APOC2: variants seen among roughly 807,000 people sequenced by gnomAD.
The protein encoded by APOC2 is apolipoprotein C-II.
APOC2 carries 6 observed loss-of-function variants against 10.2 expected under a neutral mutation model. The observed-to-expected ratio is 0.59, with a 90% CI of 0.32 to 1.16. The LOEUF (loss-of-function observed/expected upper bound fraction) is 1.16. Ranked by LOEUF, APOC2 falls within the 50% of genes most tolerant of loss-of-function variation. The pLI, the probability that APOC2 is intolerant of heterozygous loss-of-function variation, is 0.05. For synonymous variants in APOC2, 56 were observed against 48.5 expected, an observed-to-expected ratio of 1.15 and a Z score of -0.64; for missense variants, 110 against 117.6, an observed-to-expected ratio of 0.94 and a Z score of 0.30.
rs750370010 is a variant in APOC2, at chr19:44,948,808, G to A, written c.163G>A (p.Ala55Thr). Reference protein sequence around the residue: ...SSYWESAKTAAQNLYEKTYLP... With the variant: ...SSYWESAKTATQNLYEKTYLP... ...TTACTGGGAGTCAGCAAAGACAGCCGCCCAGAACCTGTACGAGAAGACATA... is the reference window on the plus strand; with the variant it reads ...TTACTGGGAGTCAGCAAAGACAGCCACCCAGAACCTGTACGAGAAGACATA... Residue 55 changes from alanine (A) to threonine (T), a missense_variant, in exon 3 of 4, where the codon GCC becomes ACC. Physicochemically the swap from Ala to Thr is moderately conservative, Grantham distance 58. Transcript: ENST00000252490. 6.2e-6 allele frequency: 10 copies of A among 1,613,884 alleles called. No individual in the cohort carries two copies. Among genetic ancestry groups the A allele is most frequent in the African/African-American group, 4.0e-5 (3 of 74,898 alleles).
intron 1 of APOC2, among the ~76,000 whole-genome samples, chr19:44,946,593 G>A (rs575129367): frequency 3.9e-5 from 6 of 152,090 alleles, no homozygotes; most frequent in Admixed American, 6.6e-5. Flanking sequence ...AGGCCGAGGC[G>A]GGTGGATCAC....
rs752909963 is a variant in APOC2 at position 44,948,802 on chromosome 19, A to T, written c.157A>T (p.Thr53Ser). 6.2e-7 allele frequency: 1 copy of T among 1,614,106 alleles called. No homozygotes were observed. Among genetic ancestry groups the T allele is most frequent in the East Asian group, 2.2e-5 (1 of 44,882 alleles). The change falls in exon 3 of 4, where the codon ACA (threonine) becomes TCA (serine). Residue 53 changes from threonine to serine, a missense_variant. Transcript: ENST00000252490. ...SLSSYWESAKTAAQNLYEKTY... is the reference protein window; with the variant it reads ...SLSSYWESAKSAAQNLYEKTY... ...CTCCAGTTACTGGGAGTCAGCAAAG[A>T]CAGCCGCCCAGAACCTGTACGAGAA...
chr19:44,948,314 G>A (rs956978930), intron 1 of APOC2, 152 bp from the exon 2 acceptor site: 2 of 690,494 alleles, frequency 2.9e-6, no homozygotes, highest in African/African-American at 3.5e-5. Flanking sequence ...GCCCAAGAAG[G>A]GGGCTGTGTC....
In APOC2 at chr19:44,946,234, T is replaced by TGTGTGTGTGTGTGAGAGA. The variant is rs1236986911; in HGVS notation, c.-14+160_-14+161insTGTGTGTGTGTGAGAGAG. Reference sequence around the variant, plus strand: ...GTGTGTGTGTGTGTGTGTGTGTGTGTGAGAGAGAGAGAGAGGGAGATGGAG... The same window carrying TGTGTGTGTGTGTGAGAGA: ...GTGTGTGTGTGTGTGTGTGTGTGTGTGTGTGTGTGTGTGAGAGAGAGAGAGAGAGAGAGGGAGATGGAG... On this transcript the variant is annotated intron_variant, in intron 1 of 3. Transcript: ENST00000252490. Among the ~76,000 whole-genome samples the TGTGTGTGTGTGTGAGAGA allele has an allele frequency of 2.1e-3, 277 of 132,866 alleles. 2 individuals are homozygous for TGTGTGTGTGTGTGAGAGA. Among genetic ancestry groups the TGTGTGTGTGTGTGAGAGA allele is most frequent in the African/African-American group, 7.9e-3 (266 of 33,676 alleles). The allele number at this position is 132,866 out of a possible 152,430, so 87.2% of individuals were successfully genotyped here.
At chr19:44,946,503 CAGAG>C (rs1304508130) in intron 1 of APOC2, among the ~76,000 whole-genome samples, 1 of 151,908 alleles carries the variant, frequency 6.6e-6, no homozygotes, top group African/African-American at 2.4e-5. Context: ...GCCTGGGTGA[CAGAG>C]AAACCCCATT....
chr19:44,947,885 T>C (rs1035624676), intron 1 of APOC2, among the ~76,000 whole-genome samples: 1 of 152,082 alleles, frequency 6.6e-6, no homozygotes, highest in Non-Finnish European at 1.5e-5. Flanking sequence ...CTGGCCAGCA[T>C]GGTGAAACCC....
intron 1 of APOC2, among the ~76,000 whole-genome samples, chr19:44,947,020 T>C (rs1027327656): frequency 2.6e-5 from 4 of 151,756 alleles, no homozygotes; most frequent in Admixed American, 6.6e-5. Context: ...GGCATGGTGG[T>C]GCATGCTTGT....
intron 1 of APOC2, among the ~76,000 whole-genome samples, chr19:44,947,641 T>C (rs914715912): frequency 2.6e-5 from 4 of 151,708 alleles, no homozygotes; most frequent in Non-Finnish European, 5.9e-5. Context: ...TACAAAAGAA[T>C]AAAAATTAGC....
At position 44,948,967 on chromosome 19, in the gene APOC2, G is replaced by A. The variant is rs539670683; in HGVS notation, c.215+107G>A. The A allele has an allele frequency of 6.7e-6, 10 of 1,483,802 alleles. No individual in the cohort carries two copies. The South Asian group carries it at 1.1e-4, about 16-fold the overall frequency. The allele number at this position is 1,483,802 out of a possible 1,614,324, so 91.9% of individuals were successfully genotyped here. A position where few individuals can be genotyped will look rare whatever the true frequency, so the allele number is the denominator to read the frequency against. On this transcript the variant is annotated intron_variant, in intron 3 of 3. Coordinates refer to ENST00000252490, the MANE Select transcript of APOC2 (RefSeq NM_000483.5). ...TCCTCCCTCAGACCCAGGAGTCCAG[G>A]CCTCAGCCCCTCCTCCCTCAGACCC...
chr19:44,946,234 T>TGTGTGTGA lies in APOC2; in HGVS notation c.-14+160_-14+161insTGTGTGAG, dbSNP rs1236986911. On this transcript the variant is annotated intron_variant, in intron 1 of 3. Coordinates refer to ENST00000252490, the MANE Select transcript of APOC2 (RefSeq NM_000483.5). ...GTGTGTGTGTGTGTGTGTGTGTGTG[T>TGTGTGTGA]GAGAGAGAGAGAGAGGGAGATGGAG... Among the ~76,000 whole-genome samples the TGTGTGTGA allele has an allele frequency of 3.8e-3, 505 of 132,842 alleles. 2 individuals carry two copies. Among genetic ancestry groups the TGTGTGTGA allele is most frequent in the African/African-American group, 8.8e-3 (296 of 33,678 alleles). The allele number at this position is 132,842 out of a possible 152,430, so 87.1% of individuals were successfully genotyped here. A position where few individuals can be genotyped will look rare whatever the true frequency, so the allele number is the denominator to read the frequency against.
In APOC2 at chr19:44,948,818, T is replaced by A. The variant is rs779492201; in HGVS notation, c.173T>A (p.Leu58Gln). 1.2e-6 allele frequency: 2 copies of A among 1,614,008 alleles called. No homozygotes were observed. Residue 58 changes from leucine to glutamine, a missense_variant, in exon 3 of 4, where the codon CTG (leucine) becomes CAG (glutamine). Leu to Gln is a moderately radical substitution (Grantham distance 113, BLOSUM62 -2). Coordinates refer to ENST00000252490, the MANE Select transcript of APOC2 (RefSeq NM_000483.5). ...TCAGCAAAGACAGCCGCCCAGAACC[T>A]GTACGAGAAGACATACCTGCCCGCT... ...WESAKTAAQN[L>Q]YEKTYLPAVD...
At chr19:44,948,606 C>G (rs1323486171) in intron 2 of APOC2, 73 bp downstream of exon 2, 1 of 1,604,262 alleles carries the variant, frequency 6.2e-7, no homozygotes, top group African/African-American at 1.3e-5. Flanking sequence ...AGCCCAGGCC[C>G]TTCTTACCTC....
chr19:44,947,211 C>CA (rs1231353351), intron 1 of APOC2: 1 of 152,146 alleles, frequency 6.6e-6, no homozygotes, highest in Non-Finnish European at 1.5e-5. Flanking sequence ...GATCAGATCT[C>CA]ACCCTCTTTC....
Position 44,949,485 on chromosome 19 carries a change from C to T in APOC2, c.*236C>T, listed in dbSNP as rs142212854. The T allele has an allele frequency of 2.3e-4, 131 of 573,446 alleles. No homozygotes were observed. Among genetic ancestry groups the T allele is most frequent in the African/African-American group, 2.1e-3 (110 of 53,384 alleles). The allele number at this position is 573,446 out of a possible 1,614,324, so 35.5% of individuals were successfully genotyped here. On this transcript the variant is annotated 3_prime_UTR_variant, in exon 4 of 4. Coordinates refer to ENST00000252490, the MANE Select transcript of APOC2 (RefSeq NM_000483.5). ...AGTCCAGCCAACATTTAATGAGCAC[C>T]TACTTTATGTATGGAGCTCTAACCC...
chr19:44,947,520 C>G (rs11879392), intron 1 of APOC2, among the ~76,000 whole-genome samples: 16,956 of 152,238 alleles, frequency 0.11, 1,133 homozygotes, highest in South Asian at 0.25. Context: ...CTAGGCTGGG[C>G]TCAGTGGCTC....
At position 44,949,246 on chromosome 19, in the gene APOC2, G is replaced by GT. The variant is rs1364410523; in HGVS notation, c.304dup (p.Ter102LeufsTer18). On this transcript the variant is annotated frameshift_variant, in exon 4 of 4. Transcript: ENST00000252490. LOFTEE classifies it high-confidence loss of function. Reference sequence around the variant, plus strand: ...TTCTTTCTGTGCTGAAGGGAGAGGAGTAACAGCCAGACCCCCCATCAGTGG... The same window carrying GT: ...TTCTTTCTGTGCTGAAGGGAGAGGAGTTAACAGCCAGACCCCCCATCAGTGG... 6.2e-7 allele frequency: 1 copy of GT among 1,613,264 alleles called. No homozygotes were observed. Among genetic ancestry groups the GT allele is most frequent in the Admixed American group, 1.7e-5 (1 of 59,856 alleles).
At position 44,948,938 on chromosome 19, in the gene APOC2, C is replaced by T. The variant is rs112265403; in HGVS notation, c.215+78C>T. The T allele has an allele frequency of 4.4e-4, 699 of 1,586,368 alleles. 5 individuals are homozygous for T. In the African/African-American group the frequency reaches 7.1e-3, roughly 16 times the overall value. On this transcript the variant is annotated intron_variant, in intron 3 of 3. Coordinates refer to ENST00000252490, the MANE Select transcript of APOC2 (RefSeq NM_000483.5). ...CAGGACCCAGAAGTTCAGGCCCCAG[C>T]CCCTCCTCCCTCAGACCCAGGAGTC...
At chr19:44,946,957 G>A (rs1970328550) in intron 1 of APOC2, among the ~76,000 whole-genome samples, 1 of 152,192 alleles carries the variant, frequency 6.6e-6, no homozygotes, top group Non-Finnish European at 1.5e-5. Context: ...TTGGAGACCA[G>A]CCTGGCCAAC....
At chr19:44,946,511 C>A (rs1970323354) in intron 1 of APOC2, among the ~76,000 whole-genome samples, 1 of 151,140 alleles carries the variant, frequency 6.6e-6, no homozygotes, top group African/African-American at 2.4e-5. Context: ...GACAGAGAAA[C>A]CCCATTTCTA....
Sources: allele counts gnomAD v4.1 joint callset (sites outside exome capture counted in the v4.1 genomes callset), GRCh38; gene constraint gnomAD v4.1.1; transcripts MANE v1.5; gene names NCBI Gene and HGNC (gene_info 2026-07-23, HGNC 2026-07-21).